Variants in SYCP1 observed in about 807,000 individuals in gnomAD.
SYCP1 encodes the protein synaptonemal complex protein 1.
In SYCP1, 64 loss-of-function variants were observed where a neutral mutation model predicts 153.1. That is an observed-to-expected ratio of 0.42 (90% CI 0.34 to 0.51). The LOEUF is 0.51. Ranked by LOEUF, SYCP1 falls within the 20% of genes least tolerant of loss-of-function variation. The pLI, the probability that SYCP1 is intolerant of heterozygous loss-of-function variation, is 0.06. For missense variants in SYCP1, 997 were observed against 1,049.0 expected (o/e 0.95, Z 0.68); for synonymous variants, 384 against 341.8 (o/e 1.12, Z -1.36).
chr1:114,950,436 T>A (rs1354472403), intron 27 of SYCP1, among the ~76,000 whole-genome samples: 1 of 152,132 alleles, frequency 6.6e-6, no homozygotes, highest in East Asian at 1.9e-4. Context: ...TAAAAACACA[T>A]TATGTTTATA....
Position 114,916,962 on chromosome 1 carries a change from G to A in SYCP1, c.1718+2917G>A, listed in dbSNP as rs1278079502. Reference sequence around the variant, plus strand: ...TAATAATCATATCAGAGTAAATGGGGTATGCATCACTTTAAGCATTTATCC... The same window carrying A: ...TAATAATCATATCAGAGTAAATGGGATATGCATCACTTTAAGCATTTATCC... On this transcript the variant is annotated intron_variant, in intron 20 of 31. Coordinates refer to ENST00000369522, the MANE Select transcript of SYCP1 (RefSeq NM_003176.4). Among the ~76,000 whole-genome samples the A allele has an allele frequency of 2.0e-5, 3 of 151,764 alleles. No homozygotes were observed. In the East Asian group the frequency reaches 5.8e-4, roughly 29 times the overall value.
chr1:114,942,354 C>T (rs1158930959), intron 23 of SYCP1, among the ~76,000 whole-genome samples: 1 of 151,868 alleles, frequency 6.6e-6, no homozygotes, highest in African/African-American at 2.4e-5. Flanking sequence ...GTGAGGAAAA[C>T]ATGCTTTTCA....
At chr1:114,944,791 A>G in intron 24 of SYCP1, 81 bp from the exon 25 acceptor site, 1 of 1,025,046 alleles carries the variant, frequency 9.8e-7, no homozygotes, top group African/African-American at 1.6e-5. Flanking sequence ...GCTTTTATTT[A>G]AGTAGAACAT....
At chr1:114,921,273 C>G (rs956576412) in intron 20 of SYCP1, among the ~76,000 whole-genome samples, 1 of 152,122 alleles carries the variant, frequency 6.6e-6, no homozygotes, top group South Asian at 2.1e-4. Context: ...AAACTCTATA[C>G]TTTGTTTCCC....
chr1:114,985,609 T>C (rs918861839), intron 30 of SYCP1, among the ~76,000 whole-genome samples: 3 of 151,968 alleles, frequency 2.0e-5, no homozygotes, highest in Non-Finnish European at 4.4e-5. Context: ...CTTCAAGCTT[T>C]TCTACTACTT....
chr1:114,958,108 TA>T, intron 27 of SYCP1, among the ~76,000 whole-genome samples: 1 of 152,274 alleles, frequency 6.6e-6, no homozygotes, highest in African/African-American at 2.4e-5. Flanking sequence ...TAATCAGCCA[TA>T]AAAAAGAAGG....
chr1:114,905,501 G>A (rs1667753470), intron 16 of SYCP1, among the ~76,000 whole-genome samples: 1 of 152,154 alleles, frequency 6.6e-6, no homozygotes, highest in Non-Finnish European at 1.5e-5. Flanking sequence ...TTGTACACAA[G>A]GAACAATAGA....
chr1:114,859,093 T>A (rs916179988), intron 6 of SYCP1, among the ~76,000 whole-genome samples: 8 of 152,118 alleles, frequency 5.3e-5, no homozygotes, highest in Admixed American at 1.3e-4. Context: ...TTATTTTTTT[T>A]ATTTATTTTT....
At chr1:114,949,118 T>G (rs909075874) in intron 27 of SYCP1, among the ~76,000 whole-genome samples, 1 of 152,182 alleles carries the variant, frequency 6.6e-6, no homozygotes, top group African/African-American at 2.4e-5. Flanking sequence ...TTTTAGAAGC[T>G]GAGGCAGAAA....
intron 23 of SYCP1, among the ~76,000 whole-genome samples, chr1:114,932,735 C>A (rs1669719179): frequency 6.6e-6 from 1 of 152,208 alleles, no homozygotes; most frequent in Non-Finnish European, 1.5e-5. Context: ...TCTTAGCAAA[C>A]AACACACCAG....
chr1:114,924,983 C>A (rs1282957624), intron 21 of SYCP1, among the ~76,000 whole-genome samples: 1 of 152,056 alleles, frequency 6.6e-6, no homozygotes, highest in Non-Finnish European at 1.5e-5. Flanking sequence ...ATTCTAGGTT[C>A]TTTCTATGTA....
intron 1 of SYCP1, 83 bp from the exon 2 acceptor site, chr1:114,855,358 A>C: frequency 1.5e-6 from 1 of 685,398 alleles, no homozygotes; most frequent in Non-Finnish European, 2.3e-6. Flanking sequence ...GTTTGTAAAC[A>C]TCACTTTAAA....
At chr1:114,857,326 C>T (rs1664067927) in intron 4 of SYCP1, 51 bp downstream of exon 4, 1 of 1,565,020 alleles carries the variant, frequency 6.4e-7, no homozygotes. Context: ...TAATGAACTG[C>T]TTATTTGAAG....
chr1:114,966,817 C>T (rs906193558), intron 27 of SYCP1, among the ~76,000 whole-genome samples: 4 of 151,762 alleles, frequency 2.6e-5, no homozygotes, highest in African/African-American at 4.8e-5. Flanking sequence ...CCCAAGTAGC[C>T]GGGACTACAG....
chr1:114,986,774 G>A (rs1386202717), intron 30 of SYCP1, among the ~76,000 whole-genome samples: 1 of 152,030 alleles, frequency 6.6e-6, no homozygotes, highest in East Asian at 1.9e-4. Flanking sequence ...AAGTATACTG[G>A]CAGAAACTGT....
At chr1:114,928,894 C>T (rs1669439040) in intron 23 of SYCP1, among the ~76,000 whole-genome samples, 1 of 152,116 alleles carries the variant, frequency 6.6e-6, no homozygotes, top group African/African-American at 2.4e-5. Flanking sequence ...GACTGGGTGG[C>T]ATATAAACAA....
At chr1:114,978,692 A>G (rs955937707) in intron 28 of SYCP1, among the ~76,000 whole-genome samples, 4 of 151,714 alleles carry the variant, frequency 2.6e-5, no homozygotes, top group African/African-American at 4.8e-5. Context: ...TAGTTTGAGA[A>G]CAGTTCATTA....
At chr1:114,943,139 T>A (rs1287142340) in intron 23 of SYCP1, among the ~76,000 whole-genome samples, 1 of 151,996 alleles carries the variant, frequency 6.6e-6, no homozygotes, top group Non-Finnish European at 1.5e-5. Context: ...GGAAAAGTCA[T>A]AACCTTGTTG....
intron 21 of SYCP1, among the ~76,000 whole-genome samples, chr1:114,923,868 G>A (rs915473528): frequency 6.6e-6 from 1 of 152,064 alleles, no homozygotes; most frequent in Non-Finnish European, 1.5e-5. Context: ...TCATGCTTTG[G>A]TGAATATGAT....
Sources: gnomAD v4.1 joint callset for allele counts (sites outside exome capture counted in the v4.1 genomes callset) on GRCh38, gnomAD v4.1.1 for gene constraint, MANE v1.5 for transcripts, NCBI Gene and HGNC (gene_info 2026-07-23, HGNC 2026-07-21) for gene names.